SNTG1: variants seen among roughly 807,000 people sequenced by gnomAD.
SNTG1 encodes gamma-1-syntrophin.
SNTG1 carries 39 observed loss-of-function variants against 74.7 expected under a neutral mutation model. The observed-to-expected ratio is 0.52, with a 90% confidence interval of 0.40 to 0.68. The LOEUF (loss-of-function observed/expected upper bound fraction) is 0.68. Ranked by LOEUF, SNTG1 falls within the 30% of genes least tolerant of loss-of-function variation. SNTG1 has a pLI of 0.00. For missense variants in SNTG1, 685 were observed against 609.5 expected, an observed-to-expected ratio of 1.12 and a Z score of -1.30; for synonymous variants, 254 against 217.1, an observed-to-expected ratio of 1.17 and a Z score of -1.49.
At chr8:50,321,235 T>C (rs186434377) in intron 2 of SNTG1, among the ~76,000 whole-genome samples, 117 of 152,284 alleles carry the variant, frequency 7.7e-4, no homozygotes, top group Non-Finnish European at 1.5e-3. Context: ...TGCATATATA[T>C]GAACAATTGT....
At chr8:50,326,607 C>T (rs2090760372) in intron 2 of SNTG1, among the ~76,000 whole-genome samples, 1 of 150,986 alleles carries the variant, frequency 6.6e-6, no homozygotes. Flanking sequence ...GTTAGCCTAG[C>T]TACTGTTTTA....
chr8:49,992,946 A>C (rs188463439), intron 1 of SNTG1, among the ~76,000 whole-genome samples: 1 of 152,332 alleles, frequency 6.6e-6, no homozygotes, highest in East Asian at 1.9e-4. Flanking sequence ...CTAGAGATTA[A>C]ATACATATAG....
At chr8:50,241,390 A>G (rs1203187097) in intron 2 of SNTG1, among the ~76,000 whole-genome samples, 1 of 152,084 alleles carries the variant, frequency 6.6e-6, no homozygotes, top group Non-Finnish European at 1.5e-5. Context: ...AGGTGACAGA[A>G]TGGTTCCAGG....
intron 8 of SNTG1, among the ~76,000 whole-genome samples, chr8:50,501,440 T>C (rs1431574292): frequency 7.6e-6 from 1 of 131,590 alleles, no homozygotes; most frequent in East Asian, 2.2e-4. Context: ...TTTTTTTTTT[T>C]TTTTTTTTTT....
At chr8:50,728,725 G>C (rs1197453232) in intron 17 of SNTG1, among the ~76,000 whole-genome samples, 1 of 152,162 alleles carries the variant, frequency 6.6e-6, no homozygotes, top group African/African-American at 2.4e-5. Flanking sequence ...GAGCCAGGCT[G>C]TTGTAAAATC....
At chr8:50,315,957 A>T (rs1469827392) in intron 2 of SNTG1, among the ~76,000 whole-genome samples, 1 of 152,198 alleles carries the variant, frequency 6.6e-6, no homozygotes, top group Non-Finnish European at 1.5e-5. Context: ...TCACTCAAAA[A>T]AGAAAAATCT....
chr8:50,053,857 C>G (rs1819796820), intron 1 of SNTG1, among the ~76,000 whole-genome samples: 2 of 151,998 alleles, frequency 1.3e-5, no homozygotes, highest in Non-Finnish European at 2.9e-5. Flanking sequence ...GATGACTTCT[C>G]TCATATTCTA....
At chr8:50,184,816 A>C (rs1011422996) in intron 2 of SNTG1, among the ~76,000 whole-genome samples, 14 of 152,184 alleles carry the variant, frequency 9.2e-5, no homozygotes, top group African/African-American at 3.4e-4. Context: ...TTTGAGGAAA[A>C]AAAATTAAAA....
At position 50,363,957 on chromosome 8, in the gene SNTG1, G is replaced by A. The variant is rs1249374520; in HGVS notation, c.-27-30255G>A. Among the ~76,000 whole-genome samples, 9 of 152,232 alleles carry A rather than the reference G, an allele frequency of 5.9e-5. No homozygotes were observed. The South Asian group carries it at 1.0e-3, about 18-fold the overall frequency. ...GAAAAGCCAGATGGCAGAGATACAC[G>A]CCTCAGGCATGGAGGAAGGGGTTTG... On this transcript the variant is annotated intron_variant, in intron 2 of 18. Coordinates refer to ENST00000642720, the MANE Select transcript of SNTG1 (RefSeq NM_018967.5).
At chr8:50,051,180 T>C (rs1276265790) in intron 1 of SNTG1, among the ~76,000 whole-genome samples, 1 of 151,470 alleles carries the variant, frequency 6.6e-6, no homozygotes, top group Non-Finnish European at 1.5e-5. Context: ...AACATACTTA[T>C]TTTGGAAAGT....
chr8:50,470,998 C>T (rs1197532101), intron 8 of SNTG1, among the ~76,000 whole-genome samples: 1 of 152,114 alleles, frequency 6.6e-6, no homozygotes, highest in African/African-American at 2.4e-5. Flanking sequence ...AAACCTTTAG[C>T]TAGACACAGA....
chr8:50,097,316 T>C (rs1366470315), intron 1 of SNTG1, among the ~76,000 whole-genome samples: 1 of 152,174 alleles, frequency 6.6e-6, no homozygotes, highest in Non-Finnish European at 1.5e-5. Flanking sequence ...ATATAGTCCA[T>C]GTTGAAGAAT....
At chr8:50,030,872 A>G (rs1817688953) in intron 1 of SNTG1, among the ~76,000 whole-genome samples, 1 of 151,974 alleles carries the variant, frequency 6.6e-6, no homozygotes, top group Non-Finnish European at 1.5e-5. Flanking sequence ...TATATCTACT[A>G]AAAATGTGGT....
At chr8:50,459,806 G>C (rs1412139447) in intron 8 of SNTG1, among the ~76,000 whole-genome samples, 2 of 152,104 alleles carry the variant, frequency 1.3e-5, no homozygotes, top group Non-Finnish European at 2.9e-5. Flanking sequence ...TAGGATAATA[G>C]CCTCCAACTC....
At chr8:49,917,647 TC>T (rs1223989546) in intron 1 of SNTG1, among the ~76,000 whole-genome samples, 2 of 152,158 alleles carry the variant, frequency 1.3e-5, no homozygotes, top group Admixed American at 1.3e-4. Flanking sequence ...TCCAGATAAA[TC>T]CCCCATGCTT....
intron 1 of SNTG1, among the ~76,000 whole-genome samples, chr8:50,118,059 C>T (rs1486988433): frequency 6.6e-6 from 1 of 152,238 alleles, no homozygotes; most frequent in South Asian, 2.1e-4. Flanking sequence ...ACTTGCTTCT[C>T]TATTTTCCAA....
rs949834704 is a variant in SNTG1, at chr8:49,933,291, A to C, written c.-103+21060A>C. Among the ~76,000 whole-genome samples the C allele has an allele frequency of 6.6e-5, 10 of 152,144 alleles. 1 individual carries two copies. Among genetic ancestry groups the C allele is most frequent in the Non-Finnish European group, 1.2e-4 (8 of 68,010 alleles). Reference sequence around the variant, plus strand: ...TGTTAGTGTCTGTCTTTTTTATTATAGCCATCCGAGTGGATGTGAAGGGGT... The same window carrying C: ...TGTTAGTGTCTGTCTTTTTTATTATCGCCATCCGAGTGGATGTGAAGGGGT... On this transcript the variant is annotated intron_variant, in intron 1 of 18. Coordinates refer to ENST00000642720, the MANE Select transcript of SNTG1 (RefSeq NM_018967.5).
intron 2 of SNTG1, among the ~76,000 whole-genome samples, chr8:50,175,019 A>G (rs1223952661): frequency 2.0e-5 from 3 of 151,906 alleles, no homozygotes; most frequent in African/African-American, 7.3e-5. Context: ...ATCTTCATCC[A>G]TGTCCCTACA....
In SNTG1 at chr8:50,049,850, A is replaced by C. The variant is rs562350264; in HGVS notation, c.-102-122711A>C. Among the ~76,000 whole-genome samples, 7 of 152,234 alleles carry C rather than the reference A, an allele frequency of 4.6e-5. No individual in the cohort carries two copies. In the South Asian group the frequency reaches 8.3e-4, roughly 18 times the overall value. On this transcript the variant is annotated intron_variant, in intron 1 of 18. Transcript: ENST00000642720. ...CTTACAGGTTAATCAACTTTTCAAT[A>C]ACACATGGATCAAAGGAGAAGTCTC...
Sources: gnomAD v4.1 joint callset for allele counts (sites outside exome capture counted in the v4.1 genomes callset) on GRCh38, gnomAD v4.1.1 for gene constraint, MANE v1.5 for transcripts, NCBI Gene and HGNC (gene_info 2026-07-23, HGNC 2026-07-21) for gene names.